The following NBEA variants were observed in gnomAD, a reference collection of about 807,000 sequenced individuals.
NBEA encodes lysosomal-trafficking regulator 2.
A neutral mutation model predicts 343.4 loss-of-function variants in NBEA; 44 were observed. That is an observed-to-expected ratio of 0.13 (90% CI 0.10 to 0.16). The LOEUF (loss-of-function observed/expected upper bound fraction) is 0.16. Ranked by LOEUF, NBEA falls within the 10% of genes least tolerant of loss-of-function variation. NBEA has a pLI of 1.00. For synonymous variants in NBEA, 1,175 were observed against 1,238.7 expected, an observed-to-expected ratio of 0.95 and a Z score of 1.08; for missense variants, 2,555 against 3,631.3, an observed-to-expected ratio of 0.70 and a Z score of 7.62.
intron 39 of NBEA, among the ~76,000 whole-genome samples, chr13:35,442,954 T>C (rs2045816839): frequency 6.6e-6 from 1 of 152,168 alleles, no homozygotes; most frequent in Non-Finnish European, 1.5e-5. Flanking sequence ...ACGTTAGTAT[T>C]GATCCAATTC....
In NBEA at chr13:35,177,111, A is replaced by G; in HGVS notation, c.4662+8A>G. The G allele has an allele frequency of 6.4e-7, 1 of 1,573,170 alleles. No individual in the cohort carries two copies. The highest frequency in any genetic ancestry group is 2.3e-5 in the East Asian group (1 of 43,674). Reference sequence around the variant, plus strand: ...GTTGTCTTTCGGGATGTGGTAAGTTATACCTGATTGGTTTCCCTGAAATAA... The same window carrying G: ...GTTGTCTTTCGGGATGTGGTAAGTTGTACCTGATTGGTTTCCCTGAAATAA... On this transcript the variant is annotated splice_region_variant and intron_variant, in intron 28 of 58. Transcript: ENST00000379939.
chr13:35,054,126 C>T (rs932585153), intron 6 of NBEA, among the ~76,000 whole-genome samples: 2 of 151,958 alleles, frequency 1.3e-5, no homozygotes, highest in South Asian at 2.1e-4. Context: ...GGCAGGAAAT[C>T]TTTTCCTATA....
chr13:35,539,915 C>CAAAAAAAAA (rs71081262), intron 41 of NBEA, among the ~76,000 whole-genome samples: 3,163 of 39,484 alleles, frequency 0.08, 757 homozygotes, highest in Non-Finnish European at 0.1. Context: ...GACTCCGTCT[C>CAAAAAAAAA]AAAAAAAAAA....
In NBEA at chr13:35,118,475, GTATGATTATAA is replaced by G. The variant is rs749885723; in HGVS notation, c.2243+5_2243+15del. 3.2e-6 allele frequency: 5 copies of G among 1,581,382 alleles called. No homozygotes were observed. Among genetic ancestry groups the G allele is most frequent in the Non-Finnish European group, 4.3e-6 (5 of 1,161,072 alleles). On this transcript the variant is annotated splice_donor_variant and splice_donor_5th_base_variant and intron_variant, in intron 16 of 58. Transcript: ENST00000379939. LOFTEE classifies it high-confidence loss of function. ...CATTTGATCAAAGAAATGGAATAAGGTATGATTATAATATTAGTATTACTATTAGACTTTAA... is the reference window on the plus strand; with the variant it reads ...CATTTGATCAAAGAAATGGAATAAGGTATTAGTATTACTATTAGACTTTAA...
intron 35 of NBEA, among the ~76,000 whole-genome samples, chr13:35,308,968 CT>C (rs200088493): frequency 6.6e-6 from 1 of 151,378 alleles, no homozygotes; most frequent in Non-Finnish European, 1.5e-5. Flanking sequence ...AGGTTTACTA[CT>C]TTTTTTTACA....
chr13:35,326,203 T>G (rs2152844285), intron 36 of NBEA, among the ~76,000 whole-genome samples: 1 of 152,266 alleles, frequency 6.6e-6, no homozygotes, highest in Non-Finnish European at 1.5e-5. Flanking sequence ...ATTGGTAGTT[T>G]GATAGGAATA....
At chr13:35,611,152 A>G (rs2082503462) in intron 48 of NBEA, among the ~76,000 whole-genome samples, 1 of 152,118 alleles carries the variant, frequency 6.6e-6, no homozygotes, top group African/African-American at 2.4e-5. Context: ...TTATAAACAC[A>G]CACCAACCAT....
At chr13:35,013,723 C>A (rs2061560807) in intron 1 of NBEA, among the ~76,000 whole-genome samples, 1 of 152,154 alleles carries the variant, frequency 6.6e-6, no homozygotes, top group Non-Finnish European at 1.5e-5. Flanking sequence ...CCTGCCTTGC[C>A]CTCCCAAAGT....
intron 6 of NBEA, among the ~76,000 whole-genome samples, chr13:35,054,151 C>T (rs1225653787): frequency 1.3e-5 from 2 of 152,044 alleles, no homozygotes; most frequent in East Asian, 1.9e-4. Flanking sequence ...GGCATTTATT[C>T]GTGTCTCTTC....
At chr13:35,172,868 C>T (rs1383123098) in intron 26 of NBEA, among the ~76,000 whole-genome samples, 1 of 152,072 alleles carries the variant, frequency 6.6e-6, no homozygotes, top group Non-Finnish European at 1.5e-5. Flanking sequence ...CTCTGTACTA[C>T]TTGTTACAGT....
chr13:35,497,716 G>A (rs942769046), intron 41 of NBEA, among the ~76,000 whole-genome samples: 3 of 151,954 alleles, frequency 2.0e-5, no homozygotes, highest in African/African-American at 7.2e-5. Context: ...TTAATGATAG[G>A]CAAATGAGGA....
intron 1 of NBEA, among the ~76,000 whole-genome samples, chr13:35,007,289 G>A (rs1416326066): frequency 6.6e-6 from 1 of 151,686 alleles, no homozygotes; most frequent in Non-Finnish European, 1.5e-5. Flanking sequence ...TCCCCCCTCT[G>A]TTTTTATCCT....
chr13:34,957,789 C>G (rs368798095), intron 1 of NBEA, among the ~76,000 whole-genome samples: 10 of 152,168 alleles, frequency 6.6e-5, no homozygotes, highest in African/African-American at 1.9e-4. Context: ...AATTTATTAC[C>G]TTTATTATAG....
At chr13:35,234,192 T>G (rs2075113228) in intron 34 of NBEA, among the ~76,000 whole-genome samples, 1 of 152,090 alleles carries the variant, frequency 6.6e-6, no homozygotes, top group African/African-American at 2.4e-5. Context: ...TGCTGATGTT[T>G]TAAGTAGGGC....
chr13:35,589,771 G>T (rs938272702), intron 46 of NBEA, among the ~76,000 whole-genome samples: 1 of 152,062 alleles, frequency 6.6e-6, no homozygotes, highest in Non-Finnish European at 1.5e-5. Flanking sequence ...GGACTAAGGG[G>T]TATGATAGAA....
chr13:35,395,381 C>T (rs1386154896), intron 38 of NBEA, among the ~76,000 whole-genome samples: 1 of 152,028 alleles, frequency 6.6e-6, no homozygotes, highest in Non-Finnish European at 1.5e-5. Flanking sequence ...CTCTCTCTTC[C>T]TTCTGCTCTG....
At chr13:35,191,489 TAAATC>T (rs2072190963) in intron 30 of NBEA, among the ~76,000 whole-genome samples, 1 of 152,118 alleles carries the variant, frequency 6.6e-6, no homozygotes, top group Non-Finnish European at 1.5e-5. Context: ...GCAAACAAAA[TAAATC>T]ATATATAAAT....
intron 30 of NBEA, among the ~76,000 whole-genome samples, chr13:35,187,450 A>G (rs1593664042): frequency 7.1e-6 from 1 of 141,578 alleles, no homozygotes; most frequent in African/African-American, 2.5e-5. Context: ...AACAGTAAGT[A>G]TAATTTATGT....
At chr13:35,511,294 GA>G (rs2077266051) in intron 41 of NBEA, among the ~76,000 whole-genome samples, 1 of 152,104 alleles carries the variant, frequency 6.6e-6, no homozygotes, top group Admixed American at 6.6e-5. Context: ...TGCTTACAAT[GA>G]CTGGACTTTA....
Sources: gnomAD v4.1 joint callset for allele counts (sites outside exome capture counted in the v4.1 genomes callset) on GRCh38, gnomAD v4.1.1 for gene constraint, MANE v1.5 for transcripts, NCBI Gene and HGNC (gene_info 2026-07-23, HGNC 2026-07-21) for gene names.